The following PHKA1 variants were observed in gnomAD, a reference collection of about 807,000 sequenced individuals.
PHKA1 encodes the protein phosphorylase kinase regulatory subunit alpha 1.
In PHKA1, 60 loss-of-function variants were observed where a neutral mutation model predicts 110.2. The observed-to-expected ratio is 0.54, with a 90% CI of 0.44 to 0.68. PHKA1 has a LOEUF of 0.68. Among genes scored for constraint, PHKA1 ranks in the 30% least tolerant of loss-of-function variants. The pLI, the probability that PHKA1 is intolerant of heterozygous loss-of-function variation, is 0.00. For missense variants in PHKA1, 801 were observed against 942.5 expected, an observed-to-expected ratio of 0.85 and a Z score of 1.97; for synonymous variants, 316 against 333.6, an observed-to-expected ratio of 0.95 and a Z score of 0.58.
chrX:72,581,327 GAC>G lies in PHKA1; in HGVS notation c.3499-154_3499-153del. 5 of 455,917 alleles carry G rather than the reference GAC, an allele frequency of 1.1e-5. No homozygotes were observed. The South Asian group carries it at 1.9e-4, about 18-fold the overall frequency. 37.6% of individuals were successfully genotyped at this position (455,917 alleles called of 1,213,427 possible). The stretch of plus-strand genomic sequence containing the variant: ...TTATCCAGGAAGAAATAGGTTTATG[GAC>G]AAAAGGGTGAATATGAGTTTGTATG... On this transcript the variant is annotated intron_variant, in intron 31 of 31. Coordinates refer to ENST00000373542, the MANE Select transcript of PHKA1 (RefSeq NM_002637.4).
intron 6 of PHKA1, among the ~76,000 whole-genome samples, chrX:72,670,205 T>C (rs1569446201): frequency 9.0e-6 from 1 of 111,706 alleles, no homozygotes; most frequent in Non-Finnish European, 1.9e-5. Flanking sequence ...TCATATCCTT[T>C]GCCCACTTTT....
At position 72,579,124 on chromosome X, in the gene PHKA1, T is replaced by C. The variant is rs1556196327; in HGVS notation, c.*1878A>G. 8.9e-6 allele frequency: 1 copy of C among 111,963 alleles called. No individual in the cohort carries two copies. The highest frequency in any genetic ancestry group is 2.8e-4 in the East Asian group (1 of 3,598). The allele number at this position is 111,963 out of a possible 1,213,427, so 9.2% of individuals were successfully genotyped here. Reference sequence around the variant, plus strand: ...GCACTACAGATATACTCCCTGAGATTGGGGTACACTTACAACCAGTGAAAA... The same window carrying C: ...GCACTACAGATATACTCCCTGAGATCGGGGTACACTTACAACCAGTGAAAA... On this transcript the variant is annotated 3_prime_UTR_variant, in exon 32 of 32. Transcript: ENST00000373542.
chrX:72,659,220 A>T (rs2053532117), intron 8 of PHKA1, among the ~76,000 whole-genome samples: 1 of 110,408 alleles, frequency 9.1e-6, no homozygotes, highest in African/African-American at 3.3e-5. Context: ...TATTGTTCAA[A>T]TTTTTTCTGC....
chrX:72,690,791 G>A (rs2054027557), intron 4 of PHKA1, among the ~76,000 whole-genome samples: 1 of 112,036 alleles, frequency 8.9e-6, no homozygotes, highest in African/African-American at 3.2e-5. Flanking sequence ...TGTTTGAGAT[G>A]GAGTCTCATT....
intron 30 of PHKA1, among the ~76,000 whole-genome samples, chrX:72,583,192 T>C (rs2052361204): frequency 9.0e-6 from 1 of 111,616 alleles, no homozygotes; most frequent in Non-Finnish European, 1.9e-5. Context: ...GGAGGCAATG[T>C]AGATTTGGAG....
In PHKA1 at chrX:72,590,648, T is replaced by C. The variant is rs61369858; in HGVS notation, c.3243+2456A>G. On this transcript the variant is annotated intron_variant, in intron 29 of 31. Transcript: ENST00000373542. ...CAACCTACAGAATGGGAGAAAATTT[T>C]TGCAATCTACCCATCTGACAAAGGG... Among the ~76,000 whole-genome samples, 7,193 of 111,727 alleles carry C rather than the reference T, an allele frequency of 0.064. 798 individuals carry two copies. In the East Asian group the frequency reaches 0.67, roughly 10 times the overall value.
intron 5 of PHKA1, 74 bp from the exon 6 acceptor site, chrX:72,676,224 C>T (rs1430100602): frequency 5.3e-6 from 4 of 758,496 alleles, no homozygotes; most frequent in South Asian, 4.6e-5. Context: ...GAAGTGTTTA[C>T]CCTTGAATAA....
intron 4 of PHKA1, among the ~76,000 whole-genome samples, chrX:72,694,701 C>A (rs1412546353): frequency 8.9e-6 from 1 of 111,957 alleles, no homozygotes; most frequent in African/African-American, 3.2e-5. Context: ...AATCAATAAA[C>A]ATTTGTTGAA....
intron 4 of PHKA1, among the ~76,000 whole-genome samples, chrX:72,690,515 A>G (rs1339992017): frequency 3.6e-5 from 4 of 111,242 alleles, no homozygotes; most frequent in African/African-American, 9.8e-5. Context: ...GTGCACACAC[A>G]TAGAGAAAAG....
chrX:72,679,294 GTAA>G (rs781826008), intron 5 of PHKA1, among the ~76,000 whole-genome samples: 1 of 110,422 alleles, frequency 9.1e-6, no homozygotes, highest in East Asian at 2.8e-4. Context: ...CATTTTAAAA[GTAA>G]TAATGGATTA....
intron 23 of PHKA1, among the ~76,000 whole-genome samples, chrX:72,607,463 CTGA>C (rs1289892268): frequency 4.5e-5 from 5 of 112,010 alleles, no homozygotes; most frequent in African/African-American, 1.3e-4. Flanking sequence ...TTGCATTTCT[CTGA>C]TGATCAATGA....
At chrX:72,696,324 A>G (rs2054109754) in intron 3 of PHKA1, among the ~76,000 whole-genome samples, 1 of 112,128 alleles carries the variant, frequency 8.9e-6, no homozygotes. Context: ...AGGAGTAATG[A>G]AAAGAGCTGC....
intron 28 of PHKA1, among the ~76,000 whole-genome samples, chrX:72,599,265 T>C (rs888700492): frequency 3.6e-5 from 4 of 111,582 alleles, no homozygotes; most frequent in African/African-American, 1.3e-4. Context: ...TCTCTTCAGC[T>C]TGAGAAATCT....
chrX:72,654,943 G>GC (rs1309019985), intron 10 of PHKA1, among the ~76,000 whole-genome samples: 1 of 107,016 alleles, frequency 9.3e-6, no homozygotes, highest in African/African-American at 3.4e-5. Flanking sequence ...GACTACAGGC[G>GC]CCCGCCACTA....
At chrX:72,710,832 ATTTTTTT>A (rs1410921114) in intron 2 of PHKA1, among the ~76,000 whole-genome samples, 5 of 74,277 alleles carry the variant, frequency 6.7e-5, no homozygotes, top group Non-Finnish European at 1.2e-4. Flanking sequence ...TTTATTTTTT[ATTTTTTT>A]ATTTTTTTTT....
intron 5 of PHKA1, among the ~76,000 whole-genome samples, chrX:72,680,792 G>C: frequency 1.1e-5 from 1 of 88,941 alleles, no homozygotes; most frequent in Admixed American, 1.2e-4. Context: ...AGCGGGCAGC[G>C]GAGCTGTCTC....
At chrX:72,586,950 G>A (rs886487291) in intron 29 of PHKA1, among the ~76,000 whole-genome samples, 3 of 111,223 alleles carry the variant, frequency 2.7e-5, no homozygotes, top group Non-Finnish European at 3.8e-5. Context: ...CCAAACGTAC[G>A]TCTGATTGGT....
At chrX:72,623,354 C>T (rs2053007603) in intron 17 of PHKA1, 79 bp from the exon 18 acceptor site, 3 of 795,525 alleles carry the variant, frequency 3.8e-6, no homozygotes, top group Non-Finnish European at 5.6e-6. Context: ...GATAAAAGGA[C>T]ACCTAACATG....
At chrX:72,652,787 A>G in intron 11 of PHKA1, 136 bp from the exon 12 acceptor site, 1 of 508,105 alleles carries the variant, frequency 2.0e-6, no homozygotes, top group Non-Finnish European at 3.5e-6. Flanking sequence ...AAGCACTATC[A>G]CTATAATCTA....
Sources: gnomAD v4.1 joint callset for allele counts (sites outside exome capture counted in the v4.1 genomes callset) on GRCh38, gnomAD v4.1.1 for gene constraint, MANE v1.5 for transcripts, NCBI Gene and HGNC (gene_info 2026-07-23, HGNC 2026-07-21) for gene names.